EMC2: variants seen among roughly 807,000 people sequenced by gnomAD.
EMC2 encodes ER membrane protein complex subunit 2, also known as TPR repeat protein 35.
Under a neutral mutation model 51.6 loss-of-function variants are expected in EMC2, and 37 were observed. That is an observed-to-expected ratio of 0.72 (90% confidence interval 0.55 to 0.94). The LOEUF (loss-of-function observed/expected upper bound fraction) is 0.94, where lower values mean the gene tolerates loss of function less well. Among genes scored for constraint, EMC2 ranks in the 40% least tolerant of loss-of-function variants. The pLI is 0.00. For missense variants in EMC2, 359 were observed against 350.9 expected (o/e 1.02, Z -0.18); for synonymous variants, 131 against 112.4 (o/e 1.17, Z -1.04).
At chr8:108,448,098 C>G (rs1364689486) in intron 1 of EMC2, among the ~76,000 whole-genome samples, 1 of 151,788 alleles carries the variant, frequency 6.6e-6, no homozygotes, top group Non-Finnish European at 1.5e-5. Context: ...AAGTGTATAC[C>G]CTTATCTAAG....
intron 8 of EMC2, among the ~76,000 whole-genome samples, chr8:108,476,478 G>A (rs1047649544): frequency 1.3e-5 from 2 of 151,932 alleles, no homozygotes; most frequent in East Asian, 1.9e-4. Flanking sequence ...AATACAATGT[G>A]AGGTGAAGCA....
chr8:108,452,974 A>G (rs983975792), intron 3 of EMC2, 88 bp from the exon 4 acceptor site: 16 of 514,648 alleles, frequency 3.1e-5, no homozygotes, highest in East Asian at 2.0e-4. Flanking sequence ...AAATTATTCA[A>G]GAAGACACAT....
At chr8:108,479,723 G>A (rs948725293) in intron 10 of EMC2, among the ~76,000 whole-genome samples, 3 of 151,864 alleles carry the variant, frequency 2.0e-5, no homozygotes, top group Admixed American at 1.3e-4. Context: ...TTATATACCC[G>A]TTAATACTTT....
chr8:108,472,137 T>G (rs1810868309), intron 7 of EMC2, among the ~76,000 whole-genome samples: 1 of 152,008 alleles, frequency 6.6e-6, no homozygotes, highest in East Asian at 1.9e-4. Flanking sequence ...TTTTTAACAT[T>G]ATCATGTCTG....
At chr8:108,479,264 T>C (rs1178843701) in intron 10 of EMC2, among the ~76,000 whole-genome samples, 154 bp downstream of exon 10, 1 of 152,178 alleles carries the variant, frequency 6.6e-6, no homozygotes, top group Admixed American at 6.6e-5. Flanking sequence ...TTTGTAGTTT[T>C]AAGATTACCT....
chr8:108,464,291 A>G (rs1217117418), intron 5 of EMC2, among the ~76,000 whole-genome samples: 4 of 152,174 alleles, frequency 2.6e-5, no homozygotes, highest in Admixed American at 1.3e-4. Flanking sequence ...AGTCATTTCA[A>G]TGAGTTATTT....
At chr8:108,443,980 C>T (rs1818815847) in intron 1 of EMC2, among the ~76,000 whole-genome samples, 1 of 152,098 alleles carries the variant, frequency 6.6e-6, no homozygotes, top group South Asian at 2.1e-4. Context: ...GCGGGAGGGA[C>T]TTGGGGCTGG....
intron 10 of EMC2, among the ~76,000 whole-genome samples, chr8:108,484,100 A>G (rs1181521308): frequency 6.6e-6 from 1 of 152,134 alleles, no homozygotes. Flanking sequence ...GACACATTTG[A>G]TTAATGCACA....
intron 9 of EMC2, among the ~76,000 whole-genome samples, chr8:108,477,239 A>G (rs1810963284): frequency 1.3e-5 from 2 of 151,986 alleles, no homozygotes; most frequent in South Asian, 2.1e-4. Context: ...TTATAGTTGT[A>G]TGAGGTATTT....
At chr8:108,446,150 C>T in intron 1 of EMC2, 2 of 207,242 alleles carry the variant, frequency 9.7e-6, no homozygotes, top group Non-Finnish European at 2.1e-5. Context: ...TTCTTTCTTT[C>T]TTTATCCTCA....
At chr8:108,452,778 G>A (rs997859180) in intron 3 of EMC2, among the ~76,000 whole-genome samples, 2 of 152,066 alleles carry the variant, frequency 1.3e-5, no homozygotes, top group Admixed American at 1.3e-4. Flanking sequence ...TTTTTAAGGA[G>A]GAATAATATG....
At chr8:108,458,813 G>C (rs1351571983) in intron 5 of EMC2, among the ~76,000 whole-genome samples, 2 of 152,166 alleles carry the variant, frequency 1.3e-5, no homozygotes, top group Admixed American at 6.5e-5. Flanking sequence ...TGTTACTTAT[G>C]CAAATTTCTG....
At chr8:108,476,615 A>G (rs1160853170) in intron 8 of EMC2, among the ~76,000 whole-genome samples, 167 bp from the exon 9 acceptor site, 1 of 151,910 alleles carries the variant, frequency 6.6e-6, no homozygotes, top group Non-Finnish European at 1.5e-5. Context: ...GTTATGTTTG[A>G]AATTTTAGAT....
intron 10 of EMC2, among the ~76,000 whole-genome samples, chr8:108,480,706 A>G (rs1422212226): frequency 6.6e-6 from 1 of 151,954 alleles, no homozygotes; most frequent in Non-Finnish European, 1.5e-5. Flanking sequence ...CCTTGTCTGA[A>G]CCATCTCTCC....
intron 5 of EMC2, among the ~76,000 whole-genome samples, chr8:108,466,715 A>G (rs963536581): frequency 7.2e-5 from 11 of 152,060 alleles, no homozygotes; most frequent in Admixed American, 3.3e-4. Context: ...TGGCCTTCCA[A>G]AGTGTTGGGA....
chr8:108,465,600 G>C (rs941248297), intron 5 of EMC2, among the ~76,000 whole-genome samples: 3 of 152,128 alleles, frequency 2.0e-5, no homozygotes, highest in Non-Finnish European at 2.9e-5. Context: ...TCTTTTAGTA[G>C]CGTGTTTTTC....
chr8:108,443,639 T>A lies in EMC2; in HGVS notation c.-20T>A. 1 of 1,605,236 alleles carries A rather than the reference T, an allele frequency of 6.2e-7. No individual in the cohort carries two copies. Among genetic ancestry groups the A allele is most frequent in the South Asian group, 1.1e-5 (1 of 89,452 alleles). On this transcript the variant is annotated 5_prime_UTR_variant, in exon 1 of 11. Coordinates refer to ENST00000220853, the MANE Select transcript of EMC2 (RefSeq NM_014673.5). Reference sequence around the variant, plus strand: ...GCGTCTCCCCGCCCTCTCACCCCGCTGCCTCTAGGTTCTGGGAAGATGGCG... The same window carrying A: ...GCGTCTCCCCGCCCTCTCACCCCGCAGCCTCTAGGTTCTGGGAAGATGGCG...
intron 5 of EMC2, among the ~76,000 whole-genome samples, chr8:108,462,222 T>TGTGTGTGTGTGTGTGTGTGTGTGTGC (rs71303986): frequency 1.3e-5 from 2 of 151,674 alleles, no homozygotes; most frequent in South Asian, 2.1e-4. Context: ...TTTGTGTGCG[T>TGTGTGTGTGTGTGTGTGTGTGTGTGC]GTGTGTGTAT....
At chr8:108,483,453 G>C (rs1157774264) in intron 10 of EMC2, among the ~76,000 whole-genome samples, 2 of 152,128 alleles carry the variant, frequency 1.3e-5, no homozygotes, top group African/African-American at 2.4e-5. Flanking sequence ...CATTAGTTTT[G>C]CTTGTGCTAT....
Sources: gnomAD v4.1 joint callset for allele counts (sites outside exome capture counted in the v4.1 genomes callset) on GRCh38, gnomAD v4.1.1 for gene constraint, MANE v1.5 for transcripts, NCBI Gene and HGNC (gene_info 2026-07-23, HGNC 2026-07-21) for gene names.